GALNT13: variants seen among roughly 807,000 people sequenced by gnomAD.
The protein encoded by GALNT13 is polypeptide N-acetylgalactosaminyltransferase 13, also known as UDP-GalNAc:polypeptide N-acetylgalactosaminyltransferase 13.
GALNT13 carries 28 observed loss-of-function variants against 64.2 expected under a neutral mutation model. The observed-to-expected ratio is 0.44, with a 90% CI of 0.32 to 0.60. GALNT13 has a LOEUF of 0.60. Among genes scored for constraint, GALNT13 ranks in the 20% least tolerant of loss-of-function variants. GALNT13 has a pLI of 0.05. For missense variants in GALNT13, 577 were observed against 669.8 expected, an observed-to-expected ratio of 0.86 and a Z score of 1.53; for synonymous variants, 214 against 224.6, an observed-to-expected ratio of 0.95 and a Z score of 0.42.
At chr2:153,145,948 T>C in the GALNT13 span, among the ~76,000 whole-genome samples, 1 of 151,858 alleles carries the variant, frequency 6.6e-6, no homozygotes, top group African/African-American at 2.4e-5. Context: ...TCCAACTATT[T>C]TTTATGGCCC....
the GALNT13 span, among the ~76,000 whole-genome samples, chr2:153,630,730 G>GACCTGAAACCATAAAAAAACCATAAAAA: frequency 7.1e-5 from 8 of 113,054 alleles, no homozygotes; most frequent in Non-Finnish European, 1.4e-4. Context: ...TTAAATGTTA[G>GACCTGAAACCATAAAAAAACCATAAAAA]ACCTGAAACC....
intron 3 of GALNT13, among the ~76,000 whole-genome samples, chr2:154,100,688 C>G (rs1702300523): frequency 6.6e-6 from 1 of 152,076 alleles, no homozygotes; most frequent in East Asian, 1.9e-4. Flanking sequence ...ATATGAATGC[C>G]TTTTATTTCT....
chr2:154,415,070 C>T (rs1421302028), intron 11 of GALNT13, among the ~76,000 whole-genome samples: 2 of 150,098 alleles, frequency 1.3e-5, no homozygotes, highest in Non-Finnish European at 3.0e-5. Context: ...AAGGCTAAGG[C>T]AGGAAGATCT....
At chr2:153,092,565 T>G in the GALNT13 span, among the ~76,000 whole-genome samples, 1 of 151,514 alleles carries the variant, frequency 6.6e-6, no homozygotes, top group Non-Finnish European at 1.5e-5. Flanking sequence ...TTTCTTTAGT[T>G]AATTCCTGGA....
intron 3 of GALNT13, among the ~76,000 whole-genome samples, chr2:154,112,888 G>A (rs143567439): frequency 5.5e-4 from 84 of 152,266 alleles, no homozygotes; most frequent in Admixed American, 1.9e-3. Context: ...CAGGGTGGCC[G>A]GAGTACAGAC....
chr2:153,302,912 T>C, the GALNT13 span, among the ~76,000 whole-genome samples: 9 of 152,216 alleles, frequency 5.9e-5, no homozygotes, highest in African/African-American at 2.2e-4. Flanking sequence ...GTGTCTTTTT[T>C]AAAAGGCCAA....
the GALNT13 span, among the ~76,000 whole-genome samples, chr2:153,092,519 T>C: frequency 6.6e-6 from 1 of 152,198 alleles, no homozygotes; most frequent in Non-Finnish European, 1.5e-5. Context: ...ATTTCTTTCA[T>C]CAGTGTTTTA....
chr2:153,699,427 G>C, the GALNT13 span, among the ~76,000 whole-genome samples: 2 of 152,116 alleles, frequency 1.3e-5, no homozygotes, highest in South Asian at 4.1e-4. Flanking sequence ...ACAATTGAAA[G>C]AACTAGAGAA....
the GALNT13 span, among the ~76,000 whole-genome samples, chr2:153,632,475 A>G: frequency 4.6e-5 from 7 of 152,244 alleles, no homozygotes; most frequent in East Asian, 5.8e-4. Flanking sequence ...ATCATATACA[A>G]TAGTTTCACT....
At chr2:153,906,581 T>A (rs1209134423) in intron 2 of GALNT13, among the ~76,000 whole-genome samples, 3 of 151,980 alleles carry the variant, frequency 2.0e-5, no homozygotes, top group Non-Finnish European at 2.9e-5. Context: ...GAACTCATCA[T>A]TTTTTATGGC....
At chr2:154,172,808 A>C (rs1685436530) in intron 4 of GALNT13, among the ~76,000 whole-genome samples, 1 of 151,946 alleles carries the variant, frequency 6.6e-6, no homozygotes, top group Non-Finnish European at 1.5e-5. Context: ...TACAACATTG[A>C]TGAAAGAAAT....
At chr2:153,770,207 T>A in the GALNT13 span, among the ~76,000 whole-genome samples, 3 of 133,094 alleles carry the variant, frequency 2.3e-5, no homozygotes, top group Middle Eastern at 3.7e-3. Flanking sequence ...TCTGGATAAT[T>A]TATCTCCCCT....
At chr2:153,970,583 C>T (rs1693673098) in intron 3 of GALNT13, among the ~76,000 whole-genome samples, 1 of 152,088 alleles carries the variant, frequency 6.6e-6, no homozygotes, top group Non-Finnish European at 1.5e-5. Flanking sequence ...TTTACATAGC[C>T]ATGTTATACT....
At chr2:153,267,084 G>T in the GALNT13 span, among the ~76,000 whole-genome samples, 2 of 152,228 alleles carry the variant, frequency 1.3e-5, no homozygotes, top group Non-Finnish European at 2.9e-5. Context: ...ACCCAGTGGG[G>T]CAGTCATTAA....
chr2:153,612,020 T>C, the GALNT13 span, among the ~76,000 whole-genome samples: 1 of 152,242 alleles, frequency 6.6e-6, no homozygotes, highest in Admixed American at 6.5e-5. Flanking sequence ...TCCATGTCCC[T>C]GCAAAGGACA....
chr2:154,128,461 T>C (rs1320703874), intron 3 of GALNT13, among the ~76,000 whole-genome samples: 1 of 152,144 alleles, frequency 6.6e-6, no homozygotes, highest in Non-Finnish European at 1.5e-5. Context: ...TGGTTCTTTT[T>C]ATTAGTATTA....
chr2:153,145,941 A>G, the GALNT13 span, among the ~76,000 whole-genome samples: 1 of 151,866 alleles, frequency 6.6e-6, no homozygotes. Flanking sequence ...ATCATGTTCC[A>G]ACTATTTTTT....
At position 153,938,335 on chromosome 2, in the gene GALNT13, A is replaced by G. The variant is rs76751892; in HGVS notation, c.-104-6059A>G. Among the ~76,000 whole-genome samples, 1,446 of 152,292 alleles carry G rather than the reference A, an allele frequency of 9.5e-3. 21 individuals carry two copies. Among genetic ancestry groups the G allele is most frequent in the African/African-American group, 0.033 (1,368 of 41,556 alleles). ...CTCTGTTAAATGTAGATGCATAGTG[A>G]TCAGCCATGAGAAAAAGAAAGTGTG... On this transcript the variant is annotated intron_variant, in intron 2 of 12. Transcript: ENST00000392825.
chr2:153,780,200 G>A, the GALNT13 span, among the ~76,000 whole-genome samples: 3 of 127,982 alleles, frequency 2.3e-5, no homozygotes, highest in African/African-American at 9.3e-5. Context: ...ATCTTCTTTT[G>A]GAAAGAATTT....
Sources: allele counts gnomAD v4.1 joint callset (sites outside exome capture counted in the v4.1 genomes callset), GRCh38; gene constraint gnomAD v4.1.1; transcripts MANE v1.5; gene names NCBI Gene and HGNC (gene_info 2026-07-23, HGNC 2026-07-21).